SINHCAF: variants seen among roughly 807,000 people sequenced by gnomAD.
SINHCAF encodes the protein SIN3-HDAC complex-associated factor.
SINHCAF carries 3 observed loss-of-function variants against 25.8 expected under a neutral mutation model. The ratio of observed to expected loss-of-function variants is 0.12; its 90% confidence interval spans 0.05 to 0.30. The LOEUF is 0.30. Among genes scored for constraint, SINHCAF ranks in the 10% least tolerant of loss-of-function variants. SINHCAF has a pLI of 1.00. For missense variants in SINHCAF, 121 were observed against 262.3 expected (o/e 0.46, Z 3.72); for synonymous variants, 70 against 85.5 (o/e 0.82, Z 1.00).
chr12:31,303,877 A>G (rs1938912553), intron 1 of SINHCAF: 1 of 152,228 alleles, frequency 6.6e-6, no homozygotes, highest in Non-Finnish European at 1.5e-5. Flanking sequence ...TGAGAAGATC[A>G]GTAGTTTGTG....
intron 2 of SINHCAF, chr12:31,296,930 G>A (rs1183509208): frequency 2.5e-6 from 1 of 399,048 alleles, no homozygotes; most frequent in East Asian, 7.9e-5. Flanking sequence ...AGCTACTCGA[G>A]AGGCTCAGAC....
In SINHCAF at chr12:31,325,427, G is replaced by C; in HGVS notation, c.-21+597C>G. ...GCAGAGCCCAGCACTGACCCCCAAA[G>C]GCCGATTTAAAGACCCTCGGCCGCC... On this transcript the variant is annotated intron_variant, in intron 1 of 5. Coordinates refer to ENST00000337682, the MANE Select transcript of SINHCAF (RefSeq NM_001135812.2). The surrounding 1 kb of genome is among the most constrained non-coding windows in gnomAD (Gnocchi z 5.9). 1 of 351,958 alleles carries C rather than the reference G, an allele frequency of 2.8e-6. No homozygotes were observed. Among genetic ancestry groups the C allele is most frequent in the Non-Finnish European group, 5.7e-6 (1 of 176,798 alleles). The allele number at this position is 351,958 out of a possible 1,614,324, so 21.8% of individuals were successfully genotyped here.
rs563684324 is a variant in SINHCAF, at chr12:31,289,422, A to G, written c.356-1638T>C. 4.3e-4 allele frequency among the ~76,000 whole-genome samples: 65 copies of G among 152,350 alleles called. 1 individual carries two copies. The South Asian group carries it at 0.013, about 31-fold the overall frequency. ...TTGAAAGCAGCCAAAGAATAATGAC[A>G]TTATACCTATAAAGAGAAAACAAAA... On this transcript the variant is annotated intron_variant, in intron 4 of 5. Coordinates refer to ENST00000337682, the MANE Select transcript of SINHCAF (RefSeq NM_001135812.2).
At chr12:31,320,333 C>T (rs954556674) in intron 1 of SINHCAF, among the ~76,000 whole-genome samples, 2 of 152,188 alleles carry the variant, frequency 1.3e-5, no homozygotes, top group Admixed American at 1.3e-4. Flanking sequence ...CTGCCTGAGA[C>T]GGCTTACCCT....
chr12:31,298,712 C>A (rs1327167200), intron 1 of SINHCAF, among the ~76,000 whole-genome samples: 1 of 152,124 alleles, frequency 6.6e-6, no homozygotes, highest in Non-Finnish European at 1.5e-5. Flanking sequence ...TATGCATCAG[C>A]CCATACTACT....
In SINHCAF at chr12:31,298,142, A is replaced by G. The variant is rs773238309; in HGVS notation, c.63T>C (p.Ala21=). ...RSIEGCCICR[A]KSSSSRFTDS... The stretch of plus-strand genomic sequence containing the variant: ...CAGTGAATCGAGAACTGGAGGACTT[A>G]GCTCTGCAAATACAGCAGCCCTCTA... The change falls in exon 2 of 6, where the codon GCT becomes GCC. Residue 21 remains alanine, a synonymous_variant. Transcript: ENST00000337682. 1.2e-5 allele frequency: 20 copies of G among 1,614,064 alleles called. No homozygotes were observed. Among genetic ancestry groups the G allele is most frequent in the Non-Finnish European group, 3.4e-6 (4 of 1,180,028 alleles).
chr12:31,294,285 A>G (rs1938456477), intron 3 of SINHCAF, among the ~76,000 whole-genome samples: 1 of 152,224 alleles, frequency 6.6e-6, no homozygotes, highest in African/African-American at 2.4e-5. Context: ...AAAAGCTTTC[A>G]TATACTTTTT....
chr12:31,285,418 T>TACACACACACACACACAC (rs71444392), intron 5 of SINHCAF, among the ~76,000 whole-genome samples: 100 of 141,440 alleles, frequency 7.1e-4, no homozygotes, highest in African/African-American at 1.0e-3. Context: ...TATATATACA[T>TACACACACACACACACAC]ACACACACAC....
intron 5 of SINHCAF, among the ~76,000 whole-genome samples, chr12:31,284,444 A>G (rs192612871): frequency 1.3e-5 from 2 of 152,152 alleles, no homozygotes; most frequent in Admixed American, 6.5e-5. Flanking sequence ...TATGTGCTGG[A>G]TATCATTTCA....
chr12:31,286,677 A>G (rs1035199150), intron 5 of SINHCAF, among the ~76,000 whole-genome samples: 12 of 152,066 alleles, frequency 7.9e-5, no homozygotes, highest in African/African-American at 1.9e-4. Context: ...AAAAAAAAAA[A>G]AAAGAAACTG....
intron 3 of SINHCAF, 111 bp from the exon 4 acceptor site, chr12:31,294,042 T>C (rs1938448325): frequency 1.4e-6 from 1 of 705,068 alleles, no homozygotes; most frequent in Non-Finnish European, 2.2e-6. Flanking sequence ...GAAAAGAGGA[T>C]GAAGCTCCAT....
chr12:31,290,966 G>C (rs1340164608), intron 4 of SINHCAF, among the ~76,000 whole-genome samples: 1 of 151,774 alleles, frequency 6.6e-6, no homozygotes, highest in Non-Finnish European at 1.5e-5. Flanking sequence ...TGATCCACCT[G>C]CCTCGGCCTC....
intron 4 of SINHCAF, among the ~76,000 whole-genome samples, chr12:31,289,140 T>C (rs1014440872): frequency 6.6e-6 from 1 of 151,880 alleles, no homozygotes; most frequent in Non-Finnish European, 1.5e-5. Context: ...AGAAAACAAA[T>C]GAACAGAGCA....
chr12:31,303,328 AGGAAGTC>A, intron 1 of SINHCAF: 5 of 673,656 alleles, frequency 7.4e-6, no homozygotes, highest in Non-Finnish European at 9.2e-6. Context: ...GCTCATTCCC[AGGAAGTC>A]ATGTCCCACG....
intron 1 of SINHCAF, among the ~76,000 whole-genome samples, chr12:31,300,633 A>C (rs1031209152): frequency 5.3e-5 from 8 of 152,222 alleles, no homozygotes; most frequent in African/African-American, 1.9e-4. Context: ...AATCCTGAAG[A>C]AAATGGTCGC....
chr12:31,306,464 A>G (rs1318529075), intron 1 of SINHCAF, among the ~76,000 whole-genome samples: 1 of 152,206 alleles, frequency 6.6e-6, no homozygotes, highest in Non-Finnish European at 1.5e-5. Context: ...TGGGTTTATC[A>G]TTAGGTCCAT....
intron 1 of SINHCAF, among the ~76,000 whole-genome samples, chr12:31,308,219 C>A (rs571754048): frequency 1.3e-5 from 2 of 152,270 alleles, no homozygotes; most frequent in African/African-American, 4.8e-5. Context: ...GGATTACAGG[C>A]GTGAACCACC....
At position 31,305,726 on chromosome 12, in the gene SINHCAF, G is replaced by A. The variant is rs948615011; in HGVS notation, c.-20-7502C>T. ...TTTTTTTTTTTTTTTTTGAGACTAA[G>A]TCTCGCTCTGTCACCTAGGCTGGAG... On this transcript the variant is annotated intron_variant, in intron 1 of 5. Transcript: ENST00000337682. Among the ~76,000 whole-genome samples the A allele has an allele frequency of 2.3e-5, 3 of 129,288 alleles. No homozygotes were observed. In the East Asian group the frequency reaches 7.0e-4, roughly 30 times the overall value. The allele number at this position is 129,288 out of a possible 152,430, so 84.8% of individuals were successfully genotyped here. A position where few individuals can be genotyped will look rare whatever the true frequency, so the allele number is the denominator to read the frequency against.
intron 5 of SINHCAF, among the ~76,000 whole-genome samples, chr12:31,285,974 CAAAA>C (rs34769347): frequency 6.4e-5 from 5 of 77,538 alleles, no homozygotes; most frequent in African/African-American, 4.5e-5. Flanking sequence ...AACTCTGTCT[CAAAA>C]AAAAAAAAAA....
Sources: gnomAD v4.1 joint callset for allele counts (sites outside exome capture counted in the v4.1 genomes callset) on GRCh38, gnomAD v4.1.1 for gene constraint, Gnocchi (gnomAD v3.1) non-coding constraint, MANE v1.5 for transcripts, NCBI Gene and HGNC (gene_info 2026-07-23, HGNC 2026-07-21) for gene names.